The following BCHE variants were observed in gnomAD, a reference collection of about 807,000 sequenced individuals.
The protein encoded by BCHE is butyrylcholinesterase, also known as cholinesterase.
A neutral mutation model predicts 51.3 loss-of-function variants in BCHE; 48 were observed. That is an observed-to-expected ratio of 0.94 (90% confidence interval 0.74 to 1.19). The LOEUF is 1.19. Among genes scored for constraint, BCHE ranks in the 50% most tolerant of loss-of-function variants. BCHE has a pLI of 0.00. For missense variants in BCHE, 847 were observed against 708.2 expected, an observed-to-expected ratio of 1.20 and a Z score of -2.23; for synonymous variants, 251 against 238.0, an observed-to-expected ratio of 1.05 and a Z score of -0.50.
chr3:165,805,598 A>G (rs774338788), intron 2 of BCHE, among the ~76,000 whole-genome samples: 1 of 152,178 alleles, frequency 6.6e-6, no homozygotes, highest in Non-Finnish European at 1.5e-5. Flanking sequence ...GTCTCTTCAT[A>G]TGATTCTGTA....
chr3:165,835,934 T>C (rs1407512548), intron 1 of BCHE, among the ~76,000 whole-genome samples: 1 of 151,930 alleles, frequency 6.6e-6, no homozygotes, highest in Non-Finnish European at 1.5e-5. Flanking sequence ...AATGAGCAGA[T>C]GCTGGCAAGA....
chr3:165,835,054 T>C (rs192526274), intron 1 of BCHE, among the ~76,000 whole-genome samples: 17 of 152,040 alleles, frequency 1.1e-4, no homozygotes, highest in Admixed American at 1.0e-3. Flanking sequence ...CAGACCATTC[T>C]AGTTTTTGAG....
At chr3:165,836,378 T>C (rs1715188310) in intron 1 of BCHE, among the ~76,000 whole-genome samples, 1 of 151,966 alleles carries the variant, frequency 6.6e-6, no homozygotes, top group African/African-American at 2.4e-5. Flanking sequence ...AGGAAGGCAT[T>C]ACACAGACTA....
intron 1 of BCHE, among the ~76,000 whole-genome samples, chr3:165,831,412 T>C (rs1714984775): frequency 6.6e-6 from 1 of 152,186 alleles, no homozygotes; most frequent in African/African-American, 2.4e-5. Flanking sequence ...ACATCAGATA[T>C]AATTTCTGCC....
chr3:165,798,393 T>C (rs1296367531), intron 2 of BCHE, among the ~76,000 whole-genome samples: 3 of 152,128 alleles, frequency 2.0e-5, no homozygotes, highest in African/African-American at 4.8e-5. Flanking sequence ...AAGAAGAATA[T>C]ACTTTAAAAA....
At chr3:165,775,803 A>G (rs1712447028) in intron 3 of BCHE, among the ~76,000 whole-genome samples, 1 of 152,014 alleles carries the variant, frequency 6.6e-6, no homozygotes, top group Non-Finnish European at 1.5e-5. Flanking sequence ...ATAAAATATG[A>G]AACATTTAAT....
At chr3:165,795,219 G>A (rs189171515) in intron 2 of BCHE, among the ~76,000 whole-genome samples, 6 of 152,216 alleles carry the variant, frequency 3.9e-5, no homozygotes, top group East Asian at 3.9e-4. Context: ...TTCAAGTGTC[G>A]TGACATAGCA....
chr3:165,826,089 G>A (rs566800969), intron 2 of BCHE, among the ~76,000 whole-genome samples: 21 of 152,022 alleles, frequency 1.4e-4, no homozygotes, highest in African/African-American at 5.1e-4. Flanking sequence ...TAGTTGAACA[G>A]TTTCTTTAAA....
intron 2 of BCHE, among the ~76,000 whole-genome samples, chr3:165,812,718 T>C (rs1474812389): frequency 6.6e-6 from 1 of 152,122 alleles, no homozygotes; most frequent in East Asian, 1.9e-4. Context: ...TTTAATGTGG[T>C]AGTTTCTCAT....
intron 2 of BCHE, among the ~76,000 whole-genome samples, chr3:165,795,815 C>T (rs2108209632): frequency 6.6e-6 from 1 of 152,090 alleles, no homozygotes; most frequent in Non-Finnish European, 1.5e-5. Flanking sequence ...TATAAGAGTC[C>T]ATGGCCAAGT....
chr3:165,835,240 T>C (rs1211531047), intron 1 of BCHE, among the ~76,000 whole-genome samples: 2 of 151,732 alleles, frequency 1.3e-5, no homozygotes. Flanking sequence ...CTATTAATAT[T>C]CCCTAGCTGA....
Position 165,817,009 on chromosome 3 carries a change from A to T in BCHE, c.1517+12508T>A, listed in dbSNP as rs1714337851. ...ATTTAATTTAAATATTTCTGGAAAA[A>T]CAGGTCCCTTAAACTTGAAATGTCT... On this transcript the variant is annotated intron_variant, in intron 2 of 3. Coordinates refer to ENST00000264381, the MANE Select transcript of BCHE (RefSeq NM_000055.4). Among the ~76,000 whole-genome samples the T allele has an allele frequency of 2.6e-5, 4 of 152,196 alleles. No individual in the cohort carries two copies. In the South Asian group the frequency reaches 8.3e-4, roughly 32 times the overall value.
intron 2 of BCHE, among the ~76,000 whole-genome samples, chr3:165,788,158 T>C (rs1218003355): frequency 6.6e-6 from 1 of 151,980 alleles, no homozygotes; most frequent in Non-Finnish European, 1.5e-5. Context: ...AGTCTCTAAG[T>C]CCAGTAGAAT....
At chr3:165,812,371 T>A (rs143589557) in intron 2 of BCHE, among the ~76,000 whole-genome samples, 287 of 152,002 alleles carry the variant, frequency 1.9e-3, no homozygotes, top group African/African-American at 6.7e-3. Flanking sequence ...ATCAACATTT[T>A]TACTCTATAT....
chr3:165,809,778 T>C (rs1714021891), intron 2 of BCHE, among the ~76,000 whole-genome samples: 2 of 152,070 alleles, frequency 1.3e-5, no homozygotes, highest in African/African-American at 4.8e-5. Context: ...AAGAGAAGTG[T>C]CATGGCTTTT....
chr3:165,782,492 T>TG (rs1560002890), intron 3 of BCHE, among the ~76,000 whole-genome samples: 1 of 55,044 alleles, frequency 1.8e-5, no homozygotes, highest in Admixed American at 1.6e-4. Context: ...TTGTCACATT[T>TG]GGAAAAAAAA....
At chr3:165,833,319 G>A (rs540865891) in intron 1 of BCHE, among the ~76,000 whole-genome samples, 9 of 152,096 alleles carry the variant, frequency 5.9e-5, no homozygotes, top group South Asian at 4.1e-4. Flanking sequence ...ATTGTTAGGC[G>A]ATCTAATCAT....
intron 2 of BCHE, among the ~76,000 whole-genome samples, chr3:165,790,642 G>C (rs906750844): frequency 6.6e-6 from 1 of 152,124 alleles, no homozygotes; most frequent in Non-Finnish European, 1.5e-5. Context: ...GACCAATTTC[G>C]AAGACTGGAA....
At chr3:165,773,683 T>C (rs567066670) in intron 3 of BCHE, among the ~76,000 whole-genome samples, 177 bp from the exon 4 acceptor site, 44 of 152,198 alleles carry the variant, frequency 2.9e-4, no homozygotes, top group African/African-American at 9.9e-4. Flanking sequence ...TTTAATAAAA[T>C]CTTTACAGAT....
Sources: allele counts gnomAD v4.1 joint callset (sites outside exome capture counted in the v4.1 genomes callset), GRCh38; gene constraint gnomAD v4.1.1; transcripts MANE v1.5; gene names NCBI Gene and HGNC (gene_info 2026-07-23, HGNC 2026-07-21).